ITM2C: variants seen among roughly 807,000 people sequenced by gnomAD.
ITM2C encodes the protein BRICHOS domain containing 2C.
A neutral mutation model predicts 30.0 loss-of-function variants in ITM2C; 20 were observed. The observed-to-expected ratio is 0.67, with a 90% CI of 0.47 to 0.97. ITM2C has a LOEUF of 0.97. Ranked by LOEUF, ITM2C falls within the 50% of genes least tolerant of loss-of-function variation. ITM2C has a pLI of 0.00. For synonymous variants in ITM2C, 167 were observed against 156.4 expected, an observed-to-expected ratio of 1.07 and a Z score of -0.51; for missense variants, 366 against 371.9, an observed-to-expected ratio of 0.98 and a Z score of 0.13.
At chr2:230,864,853 GGGCGCCGGGGCCCTCCCGC>G, upstream of ITM2C, 1 of 792,178 alleles carries the variant, frequency 1.3e-6, no homozygotes, top group Non-Finnish European at 1.7e-6. This position sits in a 1 kb window ranked among gnomAD's most constrained non-coding sequence, Gnocchi z 4.3. Context: ...CAGGCGCGGC[GGGCGCCGGGGCCCTCCCGC>G]GGGGACGGGG....
intron 1 of ITM2C, chr2:230,873,198 T>C (rs774480421): frequency 4.2e-5 from 19 of 451,718 alleles, no homozygotes; most frequent in Non-Finnish European, 7.3e-5. Flanking sequence ...GAGGTGTGTC[T>C]CCTTTTCTCT....
chr2:230,865,097 G>A lies in ITM2C; in HGVS notation c.72G>A (p.Ser24=). 1 of 1,522,198 alleles carries A rather than the reference G, an allele frequency of 6.6e-7. No homozygotes were observed. The highest frequency in any genetic ancestry group is 1.2e-5 in the South Asian group (1 of 81,106). The allele number at this position is 1,522,198 out of a possible 1,614,324, so 94.3% of individuals were successfully genotyped here. A position where few individuals can be genotyped will look rare whatever the true frequency, so the allele number is the denominator to read the frequency against. The change falls in exon 1 of 6, where the codon TCG becomes TCA. Residue 24 remains serine, a synonymous_variant. Coordinates refer to ENST00000326427, the MANE Select transcript of ITM2C (RefSeq NM_030926.6). The surrounding 1 kb of genome is among the most constrained non-coding windows in gnomAD (Gnocchi z 6.8). The part of the protein sequence containing the change: ...KGDKADKASA[S]APAPASATEI... ...ACAAGGCTGACAAGGCGTCGGCGTC[G>A]GCCCCTGCGCCGGCCTCGGCCACCG...
intron 1 of ITM2C, among the ~76,000 whole-genome samples, chr2:230,869,540 G>A (rs1220400175): frequency 6.6e-6 from 1 of 152,210 alleles, no homozygotes; most frequent in Non-Finnish European, 1.5e-5. Flanking sequence ...GGTGAGATGA[G>A]ACTGCCTCCC....
In ITM2C at chr2:230,865,349, A is replaced by G. The variant is rs1353292707; in HGVS notation, c.120+204A>G. 2.1e-6 allele frequency: 1 copy of G among 469,726 alleles called. No homozygotes were observed. Among genetic ancestry groups the G allele is most frequent in the African/African-American group, 2.0e-5 (1 of 49,818 alleles). The allele number at this position is 469,726 out of a possible 1,614,324, so 29.1% of individuals were successfully genotyped here. ...TACTAAAGCGGCAGCCAAAAGCTGA[A>G]GTCCGAAGAGTGGGAGGCGTCTGGT... On this transcript the variant is annotated intron_variant, in intron 1 of 5. Coordinates refer to ENST00000326427, the MANE Select transcript of ITM2C (RefSeq NM_030926.6). This position sits in a 1 kb window ranked among gnomAD's most constrained non-coding sequence, Gnocchi z 6.8.
chr2:230,866,442 C>T (rs1042435670), intron 1 of ITM2C, among the ~76,000 whole-genome samples: 2 of 151,904 alleles, frequency 1.3e-5, no homozygotes, highest in African/African-American at 4.8e-5. Flanking sequence ...AGTTGGGTGT[C>T]AGCCTGGGCA....
At chr2:230,872,559 A>G (rs182689634) in intron 1 of ITM2C, among the ~76,000 whole-genome samples, 1 of 152,272 alleles carries the variant, frequency 6.6e-6, no homozygotes, top group Non-Finnish European at 1.5e-5. Flanking sequence ...TGGCTCCCAG[A>G]GCAGATTTTT....
chr2:230,868,442 A>C (rs746809665), intron 1 of ITM2C, among the ~76,000 whole-genome samples: 1 of 141,516 alleles, frequency 7.1e-6, no homozygotes, highest in Admixed American at 7.2e-5. Flanking sequence ...CCTTCTCCCC[A>C]CACCCTGCCT....
intron 1 of ITM2C, among the ~76,000 whole-genome samples, chr2:230,872,709 T>A (rs1697193783): frequency 1.3e-5 from 2 of 152,162 alleles, no homozygotes; most frequent in Non-Finnish European, 2.9e-5. Flanking sequence ...GGTCGGTGCC[T>A]GTGGGGGGCC....
Position 230,865,804 on chromosome 2 carries a change from C to T in ITM2C, c.120+659C>T, listed in dbSNP as rs959818800. On this transcript the variant is annotated intron_variant, in intron 1 of 5. Transcript: ENST00000326427. The surrounding 1 kb of genome is among the most constrained non-coding windows in gnomAD (Gnocchi z 6.8). ...GTCGGGGGTCCGAGGCCGGGTGCCC[C>T]CTTCCCACCCCACGCCCTGCCGTCT... 1.3e-5 allele frequency: 2 copies of T among 152,530 alleles called. No homozygotes were observed. Among genetic ancestry groups the T allele is most frequent in the African/African-American group, 4.8e-5 (2 of 41,584 alleles). 9.4% of individuals were successfully genotyped at this position (152,530 alleles called of 1,614,324 possible).
At chr2:230,868,928 G>A (rs187265615) in intron 1 of ITM2C, among the ~76,000 whole-genome samples, 19 of 152,330 alleles carry the variant, frequency 1.2e-4, no homozygotes, top group African/African-American at 4.6e-4. Flanking sequence ...TTGGCGCCCC[G>A]GCAGGCCCCA....
At position 230,865,166 on chromosome 2, in the gene ITM2C, G is replaced by T; in HGVS notation, c.120+21G>T. On this transcript the variant is annotated intron_variant, in intron 1 of 5. Coordinates refer to ENST00000326427, the MANE Select transcript of ITM2C (RefSeq NM_030926.6). The surrounding 1 kb of genome is among the most constrained non-coding windows in gnomAD (Gnocchi z 6.8). ...CTAGGGTGAGAGGGTCTGGGGCTCA[G>T]GCGGTGGGGCGGGGGACCCAGGCTC... The T allele has an allele frequency of 7.1e-7, 1 of 1,404,250 alleles. No individual in the cohort carries two copies. The highest frequency in any genetic ancestry group is 3.0e-5 in the East Asian group (1 of 33,894). The allele number at this position is 1,404,250 out of a possible 1,614,324, so 87.0% of individuals were successfully genotyped here.
At chr2:230,870,902 G>A (rs527659859) in intron 1 of ITM2C, among the ~76,000 whole-genome samples, 1 of 151,012 alleles carries the variant, frequency 6.6e-6, no homozygotes, top group South Asian at 2.1e-4. Flanking sequence ...CTTTCTGGTT[G>A]TTAGCAATCT....
At chr2:230,872,018 GA>G (rs1410472911) in intron 1 of ITM2C, among the ~76,000 whole-genome samples, 7 of 152,260 alleles carry the variant, frequency 4.6e-5, no homozygotes, top group Non-Finnish European at 1.0e-4. Flanking sequence ...GGGGAAGGGA[GA>G]AAGGAAATCT....
intron 1 of ITM2C, among the ~76,000 whole-genome samples, chr2:230,866,650 A>G (rs1289362869): frequency 6.6e-6 from 1 of 152,186 alleles, no homozygotes. Context: ...TATTTGAAGA[A>G]GATGGTTCTG....
Position 230,878,084 on chromosome 2 carries a change from C to A in ITM2C, c.789C>A (p.Ile263=). The A allele has an allele frequency of 6.3e-7, 1 of 1,595,404 alleles. No homozygotes were observed. The highest frequency in any genetic ancestry group is 8.6e-7 in the Non-Finnish European group (1 of 1,169,146). ...ACACCTTCGTGGTGGAGACGCTCAT[C>A]TGCGGGGTGGTGTGAGGCCCTCCTC... is the stretch of plus-strand genomic sequence containing the variant. ...FENTFVVETL[I]CGVV Residue 263 remains isoleucine (I), a synonymous_variant, in exon 6 of 6, where the codon ATC becomes ATA. Coordinates refer to ENST00000326427, the MANE Select transcript of ITM2C (RefSeq NM_030926.6). This position sits in a 1 kb window ranked among gnomAD's most constrained non-coding sequence, Gnocchi z 4.5.
chr2:230,871,509 T>A (rs561860662), intron 1 of ITM2C, among the ~76,000 whole-genome samples: 7 of 152,372 alleles, frequency 4.6e-5, no homozygotes, highest in African/African-American at 1.7e-4. Flanking sequence ...ACTGTGGCCA[T>A]GCCCGTCACT....
intron 1 of ITM2C, among the ~76,000 whole-genome samples, chr2:230,869,670 A>T (rs1697115770): frequency 6.6e-6 from 1 of 152,104 alleles, no homozygotes; most frequent in Admixed American, 6.5e-5. Context: ...TAATTTGGAC[A>T]TTGTTACTGG....
In ITM2C at chr2:230,877,438, G is replaced by A; in HGVS notation, c.600G>A (p.Glu200=). The A allele has an allele frequency of 6.2e-7, 1 of 1,614,082 alleles. No individual in the cohort carries two copies. Among genetic ancestry groups the A allele is most frequent in the Non-Finnish European group, 8.5e-7 (1 of 1,180,006 alleles). ...TYLPQTYIIQ[E]EMVVTEHVSD... ...TGCCGCAGACGTACATCATCCAGGA[G>A]GAGATGGTGGTCACGGAGCATGTCA... is the stretch of plus-strand genomic sequence containing the variant. Residue 200 remains glutamate (E), a synonymous_variant, in exon 5 of 6, where the codon GAG becomes GAA. Coordinates refer to ENST00000326427, the MANE Select transcript of ITM2C (RefSeq NM_030926.6). The surrounding 1 kb of genome is among the most constrained non-coding windows in gnomAD (Gnocchi z 4.8).
intron 1 of ITM2C, among the ~76,000 whole-genome samples, chr2:230,870,452 T>TGGC (rs964800998): frequency 6.6e-6 from 1 of 151,822 alleles, no homozygotes; most frequent in African/African-American, 2.4e-5. Context: ...GCTGGGAGGG[T>TGGC]GGCAGCGTGG....
Sources: allele counts gnomAD v4.1 joint callset (sites outside exome capture counted in the v4.1 genomes callset), GRCh38; gene constraint gnomAD v4.1.1; non-coding constraint Gnocchi (gnomAD v3.1); transcripts MANE v1.5; gene names NCBI Gene and HGNC (gene_info 2026-07-23, HGNC 2026-07-21).